The following SLC24A2 variants were observed in gnomAD, a reference collection of about 807,000 sequenced individuals.
SLC24A2 encodes the protein sodium/potassium/calcium exchanger 2.
Under a neutral mutation model 62.0 loss-of-function variants are expected in SLC24A2, and 36 were observed. That is an observed-to-expected ratio of 0.58 (90% CI 0.44 to 0.77). The LOEUF (loss-of-function observed/expected upper bound fraction) is 0.77. Ranked by LOEUF, SLC24A2 falls within the 30% of genes least tolerant of loss-of-function variation. SLC24A2 has a pLI of 0.00. For synonymous variants in SLC24A2, 358 were observed against 294.0 expected (o/e 1.22, Z -2.23); for missense variants, 846 against 817.9 (o/e 1.03, Z -0.42).
At chr9:19,825,331 ATAATT>A in the SLC24A2 span, among the ~76,000 whole-genome samples, 1 of 152,296 alleles carries the variant, frequency 6.6e-6, no homozygotes, top group East Asian at 1.9e-4. Context: ...AATTCTATAA[ATAATT>A]TAGTAAGTGC....
At chr9:20,230,561 A>G in the SLC24A2 span, among the ~76,000 whole-genome samples, 2 of 151,480 alleles carry the variant, frequency 1.3e-5, no homozygotes, top group Non-Finnish European at 2.9e-5. Context: ...CATATCCTTC[A>G]CCCAATTTTG....
chr9:19,676,392 A>G (rs1391320434), intron 2 of SLC24A2, among the ~76,000 whole-genome samples: 1 of 152,154 alleles, frequency 6.6e-6, no homozygotes, highest in Non-Finnish European at 1.5e-5. Context: ...AGTCCTGCCT[A>G]TTATCTGCCA....
At chr9:20,270,722 C>G in the SLC24A2 span, among the ~76,000 whole-genome samples, 5 of 152,156 alleles carry the variant, frequency 3.3e-5, no homozygotes, top group African/African-American at 1.2e-4. Flanking sequence ...GGGGATATAA[C>G]AGTTAACAAT....
the SLC24A2 span, among the ~76,000 whole-genome samples, chr9:19,851,667 T>C: frequency 6.6e-6 from 1 of 152,206 alleles, no homozygotes; most frequent in Admixed American, 6.5e-5. Flanking sequence ...CTCATTCCTT[T>C]TTATGGCTGC....
chr9:20,096,185 T>C, the SLC24A2 span, among the ~76,000 whole-genome samples: 1 of 152,216 alleles, frequency 6.6e-6, no homozygotes, highest in Non-Finnish European at 1.5e-5. Flanking sequence ...TTTAAGAGTA[T>C]AATAGCATTG....
the SLC24A2 span, among the ~76,000 whole-genome samples, chr9:19,803,781 T>G: frequency 6.6e-6 from 1 of 152,168 alleles, no homozygotes; most frequent in Non-Finnish European, 1.5e-5. Flanking sequence ...GTTTGGAGAT[T>G]ATGCTATTGT....
At chr9:19,696,144 T>C (rs888296512) in intron 2 of SLC24A2, among the ~76,000 whole-genome samples, 2 of 152,072 alleles carry the variant, frequency 1.3e-5, no homozygotes, top group African/African-American at 4.8e-5. Flanking sequence ...ATGTGAGGGA[T>C]CTAGGTTGTG....
the SLC24A2 span, among the ~76,000 whole-genome samples, chr9:19,908,678 A>C: frequency 6.6e-6 from 1 of 152,242 alleles, no homozygotes; most frequent in Non-Finnish European, 1.5e-5. Flanking sequence ...AAAGGATATG[A>C]ACAGACACTT....
At chr9:19,932,896 C>A in the SLC24A2 span, among the ~76,000 whole-genome samples, 15 of 152,214 alleles carry the variant, frequency 9.9e-5, no homozygotes, top group Admixed American at 3.3e-4. Context: ...CAGATTCCCC[C>A]GTCATCACTG....
chr9:19,560,263 T>G (rs1835324597), intron 7 of SLC24A2, among the ~76,000 whole-genome samples: 2 of 152,016 alleles, frequency 1.3e-5, no homozygotes, highest in Admixed American at 1.3e-4. Context: ...CTGATGTCAG[T>G]CCCTACTGAC....
the SLC24A2 span, among the ~76,000 whole-genome samples, chr9:20,277,398 C>G: frequency 6.6e-6 from 1 of 151,504 alleles, no homozygotes; most frequent in African/African-American, 2.4e-5. Context: ...AGAAGAAAAT[C>G]AAACAACCCC....
intron 2 of SLC24A2, among the ~76,000 whole-genome samples, chr9:19,636,385 TTCTCCCTCTCTCTCTCTCTC>T (rs1564010047): frequency 1.0e-3 from 26 of 25,282 alleles, no homozygotes; most frequent in East Asian, 1.8e-3. Context: ...CTTTCTTTCT[TTCTCCCTCTCTCTCTCTCTC>T]TCTTTCTTTC....
At position 19,685,070 on chromosome 9, in the gene SLC24A2, G is replaced by A. The variant is rs530482203; in HGVS notation, c.931-62771C>T. 3.2e-4 allele frequency among the ~76,000 whole-genome samples: 49 copies of A among 152,034 alleles called. No individual in the cohort carries two copies. In the South Asian group the frequency reaches 4.2e-3, roughly 13 times the overall value. ...TAAGTACTGCATGCTAACTGACTGC[G>A]CCACTGGAGCATGCTAAAAATCACC... is the stretch of plus-strand genomic sequence containing the variant. On this transcript the variant is annotated intron_variant, in intron 2 of 10. Coordinates refer to ENST00000341998, the MANE Select transcript of SLC24A2 (RefSeq NM_020344.4).
At position 19,713,779 on chromosome 9, in the gene SLC24A2, AT is replaced by A. The variant is rs575780083; in HGVS notation, c.930+72157del. On this transcript the variant is annotated intron_variant, in intron 2 of 10. Transcript: ENST00000341998. ...GTCCTTACTTACTGGTAAGATTGAG[AT>A]TTTTTTTTCCCCCCGATGATTTGTT... 9.9e-4 allele frequency among the ~76,000 whole-genome samples: 151 copies of A among 151,882 alleles called. 2 individuals are homozygous for A. Among genetic ancestry groups the A allele is most frequent in the Middle Eastern group, 3.4e-3 (1 of 292 alleles).
chr9:19,925,429 T>A, the SLC24A2 span, among the ~76,000 whole-genome samples: 1 of 152,222 alleles, frequency 6.6e-6, no homozygotes, highest in Non-Finnish European at 1.5e-5. Flanking sequence ...GCACAATTAC[T>A]TGTGGTAGAC....
chr9:19,602,910 T>C (rs1262490275), intron 4 of SLC24A2, among the ~76,000 whole-genome samples: 1 of 152,246 alleles, frequency 6.6e-6, no homozygotes. Context: ...TATTAGTTAT[T>C]CCTGTTGTCA....
At chr9:19,676,488 T>G (rs1326521788) in intron 2 of SLC24A2, among the ~76,000 whole-genome samples, 2 of 152,358 alleles carry the variant, frequency 1.3e-5, no homozygotes, top group Admixed American at 1.3e-4. Context: ...CTGCGGCAGC[T>G]GACTGTGTGC....
chr9:19,596,188 C>T (rs1227530097), intron 5 of SLC24A2, among the ~76,000 whole-genome samples: 1 of 152,126 alleles, frequency 6.6e-6, no homozygotes, highest in African/African-American at 2.4e-5. Flanking sequence ...TTCTTGCATG[C>T]AAAGCAACTA....
chr9:19,966,512 T>G, the SLC24A2 span, among the ~76,000 whole-genome samples: 1 of 152,266 alleles, frequency 6.6e-6, no homozygotes, highest in Non-Finnish European at 1.5e-5. Context: ...TAAGGAGAAA[T>G]TCAAATCTTA....
Sources: gnomAD v4.1 joint callset for allele counts (sites outside exome capture counted in the v4.1 genomes callset) on GRCh38, gnomAD v4.1.1 for gene constraint, MANE v1.5 for transcripts, NCBI Gene and HGNC (gene_info 2026-07-23, HGNC 2026-07-21) for gene names.